Variants in MACROD2 observed in about 807,000 individuals in gnomAD.
The protein encoded by MACROD2 is mono-ADP ribosylhydrolase 2, also known as ADP-ribose glycohydrolase MACROD2.
A neutral mutation model predicts 70.4 loss-of-function variants in MACROD2; 36 were observed. That is an observed-to-expected ratio of 0.51 (90% CI 0.39 to 0.68). MACROD2 has a LOEUF of 0.68. MACROD2 is among the 30% of genes least tolerant of loss of function. The probability of loss-of-function intolerance (pLI) is 0.00; values close to 1 mark genes in which losing one functional copy is unlikely to be tolerated. For synonymous variants in MACROD2, 172 were observed against 178.8 expected (o/e 0.96, Z 0.30); for missense variants, 496 against 538.4 (o/e 0.92, Z 0.78).
At chr20:15,333,829 C>T (rs1477362084) in intron 6 of MACROD2, among the ~76,000 whole-genome samples, 1 of 151,578 alleles carries the variant, frequency 6.6e-6, no homozygotes, top group Admixed American at 6.6e-5. Flanking sequence ...AGCAACGAAT[C>T]ACAGTGATTT....
At chr20:14,833,309 G>T (rs142142879) in intron 5 of MACROD2, among the ~76,000 whole-genome samples, 1 of 151,992 alleles carries the variant, frequency 6.6e-6, no homozygotes, top group Non-Finnish European at 1.5e-5. Flanking sequence ...TGACTTAGGA[G>T]AAATCCCTGA....
At chr20:15,149,012 G>A (rs1284614133) in intron 5 of MACROD2, among the ~76,000 whole-genome samples, 1 of 152,012 alleles carries the variant, frequency 6.6e-6, no homozygotes, top group Non-Finnish European at 1.5e-5. Flanking sequence ...AGAAGTGATT[G>A]CAGTGGCCTT....
At chr20:14,340,945 C>A (rs2083006599) in intron 3 of MACROD2, among the ~76,000 whole-genome samples, 1 of 152,152 alleles carries the variant, frequency 6.6e-6, no homozygotes. Flanking sequence ...CAGGTTCTGC[C>A]ATTTACTTGT....
At chr20:14,029,404 T>C (rs1350421856) in intron 2 of MACROD2, among the ~76,000 whole-genome samples, 1 of 152,198 alleles carries the variant, frequency 6.6e-6, no homozygotes, top group Non-Finnish European at 1.5e-5. Flanking sequence ...TCCCCCATCA[T>C]GCCTAGCCTA....
chr20:15,338,530 A>T (rs2078073914), intron 6 of MACROD2, among the ~76,000 whole-genome samples: 2 of 151,610 alleles, frequency 1.3e-5, no homozygotes, highest in East Asian at 1.9e-4. Context: ...CTAAAACAGG[A>T]TGCTAAGAAG....
At chr20:15,024,668 C>T (rs867743923) in intron 5 of MACROD2, among the ~76,000 whole-genome samples, 8 of 151,908 alleles carry the variant, frequency 5.3e-5, no homozygotes, top group African/African-American at 7.3e-5. Flanking sequence ...TCTAAACAAA[C>T]GAAATACAAA....
At chr20:14,590,580 C>G (rs1981698796) in intron 4 of MACROD2, among the ~76,000 whole-genome samples, 1 of 152,072 alleles carries the variant, frequency 6.6e-6, no homozygotes, top group African/African-American at 2.4e-5. Context: ...TACTATTTTA[C>G]TCATTTGTCT....
chr20:15,601,805 G>A (rs2048824220), intron 8 of MACROD2, among the ~76,000 whole-genome samples: 1 of 152,166 alleles, frequency 6.6e-6, no homozygotes. Context: ...GAGGCGGGTG[G>A]ATCACAAGGT....
chr20:14,872,417 G>GA (rs551646572), intron 5 of MACROD2, among the ~76,000 whole-genome samples: 81 of 151,840 alleles, frequency 5.3e-4, no homozygotes, highest in Non-Finnish European at 8.1e-4. Context: ...GCTCAGGAGG[G>GA]AAAAAAAGGG....
intron 5 of MACROD2, among the ~76,000 whole-genome samples, chr20:15,032,063 C>T (rs1330066058): frequency 3.9e-5 from 6 of 152,196 alleles, no homozygotes; most frequent in Admixed American, 3.9e-4. Context: ...CTCAAGGGTG[C>T]ACACACGCGG....
intron 4 of MACROD2, among the ~76,000 whole-genome samples, chr20:14,525,052 A>G (rs1224010712): frequency 4.6e-5 from 7 of 152,216 alleles, no homozygotes; most frequent in African/African-American, 1.4e-4. Flanking sequence ...ACATCAATTT[A>G]GAATTCCGAA....
intron 6 of MACROD2, among the ~76,000 whole-genome samples, chr20:15,416,882 G>A (rs1003014896): frequency 1.3e-5 from 2 of 150,578 alleles, no homozygotes; most frequent in African/African-American, 4.9e-5. Flanking sequence ...CAGCCCGGGC[G>A]ACAGAGCGAG....
intron 8 of MACROD2, among the ~76,000 whole-genome samples, chr20:15,710,791 C>T (rs372512577): frequency 4.3e-4 from 65 of 152,238 alleles, no homozygotes; most frequent in Middle Eastern, 3.4e-3. Context: ...ATTGTCCCAA[C>T]GAGATCTTTG....
chr20:14,539,722 A>T (rs905329236), intron 4 of MACROD2, among the ~76,000 whole-genome samples: 1 of 152,258 alleles, frequency 6.6e-6, no homozygotes, highest in African/African-American at 2.4e-5. Flanking sequence ...AGCACTGATA[A>T]CTCAAAGATA....
At chr20:15,829,464 G>C (rs1215264574) in intron 8 of MACROD2, among the ~76,000 whole-genome samples, 2 of 152,068 alleles carry the variant, frequency 1.3e-5, no homozygotes, top group South Asian at 2.1e-4. Context: ...CCAGGCCGTA[G>C]ATACTATAAA....
At chr20:15,854,151 A>T (rs2064331279) in intron 8 of MACROD2, among the ~76,000 whole-genome samples, 1 of 152,188 alleles carries the variant, frequency 6.6e-6, no homozygotes, top group Non-Finnish European at 1.5e-5. Context: ...AGAGATTTCC[A>T]CAGAGGGAAT....
At chr20:14,744,964 A>G (rs1182245136) in intron 5 of MACROD2, among the ~76,000 whole-genome samples, 1 of 152,186 alleles carries the variant, frequency 6.6e-6, no homozygotes, top group East Asian at 1.9e-4. Flanking sequence ...TTTCTCAGCA[A>G]TAGATAACCA....
chr20:15,329,527 C>T (rs112974034), intron 6 of MACROD2, among the ~76,000 whole-genome samples: 5,707 of 152,074 alleles, frequency 0.038, 134 homozygotes, highest in South Asian at 0.087. Context: ...TGTTTGAACC[C>T]AGGAGCTCAG....
chr20:15,052,715 C>T (rs1225953527), intron 5 of MACROD2, among the ~76,000 whole-genome samples: 1 of 152,088 alleles, frequency 6.6e-6, no homozygotes, highest in East Asian at 1.9e-4. Flanking sequence ...TCTACAATGG[C>T]CTTTAAGTGT....
Sources: gnomAD v4.1 joint callset for allele counts (sites outside exome capture counted in the v4.1 genomes callset) on GRCh38, gnomAD v4.1.1 for gene constraint, MANE v1.5 for transcripts, NCBI Gene and HGNC (gene_info 2026-07-23, HGNC 2026-07-21) for gene names.